The following WDR70 variants were observed in gnomAD, a reference collection of about 807,000 sequenced individuals.
WDR70 encodes the protein WD repeat-containing protein 70.
A neutral mutation model predicts 88.6 loss-of-function variants in WDR70; 53 were observed. That is an observed-to-expected ratio of 0.60 (90% CI 0.48 to 0.75). The LOEUF is 0.75. Among genes scored for constraint, WDR70 ranks in the 30% least tolerant of loss-of-function variants. WDR70 has a pLI of 0.00. For synonymous variants in WDR70, 280 were observed against 270.0 expected (o/e 1.04, Z -0.36); for missense variants, 610 against 823.2 (o/e 0.74, Z 3.17).
intron 7 of WDR70, 126 bp downstream of exon 7, chr5:37,443,498 G>A: frequency 3.0e-6 from 3 of 1,007,556 alleles, no homozygotes; most frequent in Non-Finnish European, 4.2e-6. Flanking sequence ...TTATATGACT[G>A]TATACGGCCT....
At chr5:37,717,195 A>G (rs1030787979) in intron 13 of WDR70, among the ~76,000 whole-genome samples, 1 of 152,244 alleles carries the variant, frequency 6.6e-6, no homozygotes, top group African/African-American at 2.4e-5. Context: ...AGCTAGAGGA[A>G]GCCATTAGTG....
At chr5:37,651,486 G>T (rs909853295) in intron 10 of WDR70, among the ~76,000 whole-genome samples, 6 of 152,144 alleles carry the variant, frequency 3.9e-5, no homozygotes, top group African/African-American at 1.4e-4. Flanking sequence ...ACCCAGTAAT[G>T]GGATTGCTGG....
At chr5:37,553,210 A>C (rs1205707383) in intron 9 of WDR70, among the ~76,000 whole-genome samples, 1 of 152,178 alleles carries the variant, frequency 6.6e-6, no homozygotes, top group African/African-American at 2.4e-5. Flanking sequence ...CGGGAGCTTT[A>C]TATACCCTAA....
intron 13 of WDR70, among the ~76,000 whole-genome samples, chr5:37,713,350 C>T (rs1258134684): frequency 1.3e-5 from 2 of 152,160 alleles, no homozygotes; most frequent in Non-Finnish European, 2.9e-5. Flanking sequence ...CTTAGTAGTG[C>T]CAGCATTTGC....
In WDR70 at chr5:37,392,071, A is replaced by C; in HGVS notation, c.247A>C (p.Thr83Pro). The C allele has an allele frequency of 6.2e-7, 1 of 1,613,106 alleles. No individual in the cohort carries two copies. Among genetic ancestry groups the C allele is most frequent in the Non-Finnish European group, 8.5e-7 (1 of 1,179,848 alleles). Residue 83 changes from threonine (T) to proline (P), a missense_variant, in exon 4 of 18, where the codon ACA (threonine) becomes CCA (proline). Physicochemically the swap from Thr to Pro is conservative, Grantham distance 38 (BLOSUM62 -1). Coordinates refer to ENST00000265107, the MANE Select transcript of WDR70 (RefSeq NM_018034.4). ...LRRQNEDIEPTSSRSNVVRDC... is the reference protein window; with the variant it reads ...LRRQNEDIEPPSSRSNVVRDC... ...AAGACAAAATGAAGATATTGAGCCA[A>C]CATCCTCAAGATCAAATGTGGTCAG...
intron 9 of WDR70, among the ~76,000 whole-genome samples, chr5:37,552,674 T>C (rs1245613289): frequency 6.6e-6 from 1 of 152,218 alleles, no homozygotes; most frequent in Non-Finnish European, 1.5e-5. Context: ...CCTTTCTCCA[T>C]TTGCCAGAGC....
chr5:37,696,095 T>G (rs890142503), intron 10 of WDR70, among the ~76,000 whole-genome samples: 1 of 152,224 alleles, frequency 6.6e-6, no homozygotes, highest in African/African-American at 2.4e-5. Flanking sequence ...GTATCCTTTC[T>G]GGGGACTGCC....
intron 10 of WDR70, among the ~76,000 whole-genome samples, chr5:37,611,927 T>C (rs1191603360): frequency 6.6e-6 from 1 of 152,088 alleles, no homozygotes; most frequent in Admixed American, 6.6e-5. Context: ...CAAAGACTTG[T>C]ATAAGTTAAA....
intron 3 of WDR70, among the ~76,000 whole-genome samples, chr5:37,385,518 C>CAAAA (rs1160087859): frequency 1.0e-4 from 7 of 67,846 alleles, no homozygotes; most frequent in African/African-American, 3.6e-4. Flanking sequence ...GAGCCTGTCT[C>CAAAA]AAAAAAAAAA....
chr5:37,466,305 T>A (rs1261622859), intron 7 of WDR70, among the ~76,000 whole-genome samples: 1 of 152,150 alleles, frequency 6.6e-6, no homozygotes, highest in African/African-American at 2.4e-5. Flanking sequence ...GCAGTAAGAG[T>A]CTTCTGTTTT....
At chr5:37,453,359 G>A (rs536276038) in intron 7 of WDR70, among the ~76,000 whole-genome samples, 2 of 152,302 alleles carry the variant, frequency 1.3e-5, no homozygotes, top group Middle Eastern at 3.4e-3. Context: ...ATAGATATTC[G>A]ATTAACTAAA....
At chr5:37,396,269 C>T in intron 4 of WDR70, 106 bp from the exon 5 acceptor site, 3 of 1,344,650 alleles carry the variant, frequency 2.2e-6, no homozygotes, top group Non-Finnish European at 2.9e-6. Flanking sequence ...TAAAAAATAC[C>T]CAGTTGTTAA....
At chr5:37,582,816 C>T (rs1340052344) in intron 9 of WDR70, among the ~76,000 whole-genome samples, 1 of 152,218 alleles carries the variant, frequency 6.6e-6, no homozygotes, top group Non-Finnish European at 1.5e-5. Flanking sequence ...TCTTAAGTAA[C>T]TGGAAAACAT....
intron 10 of WDR70, among the ~76,000 whole-genome samples, chr5:37,629,545 G>A (rs1211638647): frequency 6.6e-6 from 1 of 152,048 alleles, no homozygotes; most frequent in Non-Finnish European, 1.5e-5. Flanking sequence ...TCCTCCATTT[G>A]GTATAGTCTG....
intron 8 of WDR70, among the ~76,000 whole-genome samples, chr5:37,499,599 C>CTCTCTTTT (rs1462495909): frequency 9.6e-4 from 49 of 50,922 alleles, no homozygotes; most frequent in South Asian, 5.9e-3. Flanking sequence ...CTCTCTCTCT[C>CTCTCTTTT]TCTCTCTCTC....
At chr5:37,720,564 ATC>A (rs1747778662) in intron 13 of WDR70, among the ~76,000 whole-genome samples, 1 of 152,184 alleles carries the variant, frequency 6.6e-6, no homozygotes, top group Non-Finnish European at 1.5e-5. Flanking sequence ...TGTATTCTGT[ATC>A]TCTGTTTTAC....
chr5:37,713,635 T>A (rs1282442555), intron 13 of WDR70, among the ~76,000 whole-genome samples: 1 of 151,958 alleles, frequency 6.6e-6, no homozygotes, highest in Non-Finnish European at 1.5e-5. Flanking sequence ...TAATACTTAT[T>A]CACTAGGGAG....
At chr5:37,688,003 T>C (rs1331686108) in intron 10 of WDR70, 1 of 665,462 alleles carries the variant, frequency 1.5e-6, no homozygotes, top group Non-Finnish European at 2.8e-6. Flanking sequence ...TCTATAACTT[T>C]TAAGGTTCTT....
At position 37,563,411 on chromosome 5, in the gene WDR70, G is replaced by A. The variant is rs1255234524; in HGVS notation, c.918-41653G>A. On this transcript the variant is annotated intron_variant, in intron 9 of 17. Transcript: ENST00000265107. ...GCGCCCCTCACCTCCAGGATTGGGC[G>A]GCTGGCCGGGCGGGGGGCTGACCCC... Among the ~76,000 whole-genome samples, 5 of 61,420 alleles carry A rather than the reference G, an allele frequency of 8.1e-5. 1 individual carries two copies. The highest frequency in any genetic ancestry group is 1.9e-4 in the Non-Finnish European group (5 of 26,454). The allele number at this position is 61,420 out of a possible 152,430, so 40.3% of individuals were successfully genotyped here.
Sources: gnomAD v4.1 joint callset for allele counts (sites outside exome capture counted in the v4.1 genomes callset) on GRCh38, gnomAD v4.1.1 for gene constraint, MANE v1.5 for transcripts, NCBI Gene and HGNC (gene_info 2026-07-23, HGNC 2026-07-21) for gene names.